The following COX10 variants were observed in gnomAD, a reference collection of about 807,000 sequenced individuals.
COX10 encodes protoheme IX farnesyltransferase, mitochondrial.
In COX10, 27 loss-of-function variants were observed where a neutral mutation model predicts 37.3. The ratio of observed to expected loss-of-function variants is 0.72; its 90% CI spans 0.53 to 1.00. The LOEUF is 1.00. Among genes scored for constraint, COX10 ranks in the 50% least tolerant of loss-of-function variants. The pLI, the probability that COX10 is intolerant of heterozygous loss-of-function variation, is 0.00. For missense variants in COX10, 475 were observed against 563.2 expected, an observed-to-expected ratio of 0.84 and a Z score of 1.59; for synonymous variants, 222 against 229.1, an observed-to-expected ratio of 0.97 and a Z score of 0.28.
At chr17:14,163,175 T>C (rs902291067) in intron 5 of COX10, among the ~76,000 whole-genome samples, 5 of 152,142 alleles carry the variant, frequency 3.3e-5, no homozygotes, top group African/African-American at 1.2e-4. Flanking sequence ...TGTATATGGG[T>C]CCATGTGGAA....
chr17:14,135,244 A>G (rs1004106426), intron 4 of COX10, among the ~76,000 whole-genome samples: 10 of 151,786 alleles, frequency 6.6e-5, no homozygotes, highest in African/African-American at 2.4e-4. Flanking sequence ...TTATCTGGGT[A>G]TTATACAGAT....
At chr17:14,192,378 G>A (rs1210271391) in intron 6 of COX10, among the ~76,000 whole-genome samples, 157 bp downstream of exon 6, 1 of 152,158 alleles carries the variant, frequency 6.6e-6, no homozygotes, top group Non-Finnish European at 1.5e-5. Flanking sequence ...TGGACGCAGA[G>A]TAAAGAGAGA....
chr17:14,123,787 A>C (rs1325370136), intron 4 of COX10, among the ~76,000 whole-genome samples: 2 of 152,214 alleles, frequency 1.3e-5, no homozygotes, highest in Non-Finnish European at 2.9e-5. Context: ...TCTCGTGCTC[A>C]CAAGAGGTGT....
chr17:14,142,809 G>A (rs1008489637), intron 4 of COX10, among the ~76,000 whole-genome samples: 3 of 152,108 alleles, frequency 2.0e-5, no homozygotes, highest in African/African-American at 7.2e-5. Flanking sequence ...TCTTTATGGT[G>A]GTAAGATCAT....
intron 4 of COX10, among the ~76,000 whole-genome samples, chr17:14,118,720 T>C (rs1421321371): frequency 1.3e-5 from 2 of 152,168 alleles, no homozygotes; most frequent in African/African-American, 2.4e-5. Context: ...TCTTGTCTTA[T>C]ATTTCATGGT....
At chr17:14,139,903 TAAAC>T (rs1904487528) in intron 4 of COX10, among the ~76,000 whole-genome samples, 1 of 152,156 alleles carries the variant, frequency 6.6e-6, no homozygotes, top group Non-Finnish European at 1.5e-5. Context: ...CAGCTATCCA[TAAAC>T]AAAGCCATAG....
chr17:14,121,591 A>G (rs1916231137), intron 4 of COX10, among the ~76,000 whole-genome samples: 1 of 152,196 alleles, frequency 6.6e-6, no homozygotes, highest in Admixed American at 6.5e-5. Context: ...TCATCTGTAA[A>G]ATGGAGACAG....
intron 6 of COX10, among the ~76,000 whole-genome samples, chr17:14,202,771 G>A (rs866524537): frequency 7.5e-6 from 1 of 133,564 alleles, no homozygotes; most frequent in African/African-American, 2.9e-5. Context: ...TCCCCCCTGC[G>A]CTGGGGGAAG....
At chr17:14,086,778 C>T (rs1915417285) in intron 3 of COX10, among the ~76,000 whole-genome samples, 1 of 152,142 alleles carries the variant, frequency 6.6e-6, no homozygotes, top group Non-Finnish European at 1.5e-5. Context: ...ATATCTTCCT[C>T]ATACTTCCTC....
intron 5 of COX10, among the ~76,000 whole-genome samples, chr17:14,191,017 A>G (rs185277360): frequency 1.9e-4 from 29 of 152,270 alleles, no homozygotes; most frequent in African/African-American, 6.7e-4. Context: ...GTCACTGAAC[A>G]CTACACAAAC....
intron 4 of COX10, among the ~76,000 whole-genome samples, chr17:14,138,273 G>A (rs916888739): frequency 6.6e-6 from 1 of 151,942 alleles, no homozygotes; most frequent in Admixed American, 6.6e-5. Flanking sequence ...AATATTATTT[G>A]TTTTTAAGGG....
At chr17:14,110,078 G>C (rs553118903) in intron 4 of COX10, among the ~76,000 whole-genome samples, 1 of 152,212 alleles carries the variant, frequency 6.6e-6, no homozygotes, top group Non-Finnish European at 1.5e-5. Flanking sequence ...GAGAACCATT[G>C]ATGTTCTCAG....
intron 4 of COX10, among the ~76,000 whole-genome samples, chr17:14,134,989 A>G (rs1029157356): frequency 9.2e-5 from 14 of 151,752 alleles, no homozygotes; most frequent in Non-Finnish European, 1.5e-4. Context: ...AAAGCATAGC[A>G]CTATTTTTTC....
intron 4 of COX10, among the ~76,000 whole-genome samples, chr17:14,106,641 AT>A (rs1316916969): frequency 2.6e-5 from 4 of 152,186 alleles, no homozygotes; most frequent in Non-Finnish European, 5.9e-5. Context: ...TAAAGTGCTC[AT>A]CATTAATGCC....
chr17:14,181,502 T>C (rs1445602865), intron 5 of COX10, among the ~76,000 whole-genome samples: 1 of 151,810 alleles, frequency 6.6e-6, no homozygotes, highest in Non-Finnish European at 1.5e-5. Context: ...ATGGATAGTT[T>C]TATTTCCCAG....
At chr17:14,199,900 CT>C (rs1478699075) in intron 6 of COX10, among the ~76,000 whole-genome samples, 1 of 152,152 alleles carries the variant, frequency 6.6e-6, no homozygotes, top group Admixed American at 6.5e-5. Flanking sequence ...AGCCCCCAGT[CT>C]ACATAACCAC....
chr17:14,071,423 A>G (rs562762195), intron 1 of COX10, among the ~76,000 whole-genome samples: 2 of 152,304 alleles, frequency 1.3e-5, no homozygotes, highest in African/African-American at 4.8e-5. Flanking sequence ...AGTGGTCTGT[A>G]TAACTCCCTG....
intron 5 of COX10, among the ~76,000 whole-genome samples, chr17:14,189,442 A>G (rs1906134939): frequency 6.6e-6 from 1 of 151,970 alleles, no homozygotes. Context: ...TTTGGGGGGG[A>G]CATTGTCCCC....
At chr17:14,095,735 T>G (rs1003832571) in intron 3 of COX10, among the ~76,000 whole-genome samples, 1 of 152,170 alleles carries the variant, frequency 6.6e-6, no homozygotes, top group Admixed American at 6.5e-5. Context: ...GGCTCACTGG[T>G]TGTTGGTAGA....
Sources: allele counts gnomAD v4.1 joint callset (sites outside exome capture counted in the v4.1 genomes callset), GRCh38; gene constraint gnomAD v4.1.1; transcripts MANE v1.5; gene names NCBI Gene and HGNC (gene_info 2026-07-23, HGNC 2026-07-21).